The following TRDMT1 variants were observed in gnomAD, a reference collection of about 807,000 sequenced individuals.
TRDMT1 encodes the protein tRNA aspartic acid methyltransferase 1.
In TRDMT1, 49 loss-of-function variants were observed where a neutral mutation model predicts 51.2. That is an observed-to-expected ratio of 0.96 (90% CI 0.76 to 1.21). The LOEUF (loss-of-function observed/expected upper bound fraction) is 1.21. Ranked by LOEUF, TRDMT1 falls within the 50% of genes most tolerant of loss-of-function variation. The pLI, the probability that TRDMT1 is intolerant of heterozygous loss-of-function variation, is 0.00. For synonymous variants in TRDMT1, 187 were observed against 164.6 expected (o/e 1.14, Z -1.04); for missense variants, 534 against 462.3 (o/e 1.16, Z -1.42).
Position 17,157,473 on chromosome 10 carries a change from G to C in TRDMT1, c.855C>G (p.Pro285=). Residue 285 remains proline, a synonymous_variant, in exon 8 of 11, where the codon CCC becomes CCG. Transcript: ENST00000377799. ...RYALLLDIVQ[P]TCRRSVCFTK... ...TAAAGCACACGGACCTTCTACAAGT[G>C]GGCTGAACAATGTCTAACAGAAGAG... 6.2e-7 allele frequency: 1 copy of C among 1,612,460 alleles called. No individual in the cohort carries two copies. Among genetic ancestry groups the C allele is most frequent in the Non-Finnish European group, 8.5e-7 (1 of 1,178,584 alleles).
intron 2 of TRDMT1, among the ~76,000 whole-genome samples, chr10:17,173,134 T>C (rs1162807992): frequency 6.6e-6 from 1 of 152,120 alleles, no homozygotes; most frequent in African/African-American, 2.4e-5. Flanking sequence ...TAAAAACACT[T>C]CAAAAACTTT....
At chr10:17,181,068 A>G (rs2131555816) in intron 1 of TRDMT1, among the ~76,000 whole-genome samples, 2 of 151,500 alleles carry the variant, frequency 1.3e-5, no homozygotes, top group East Asian at 3.9e-4. Context: ...ATAACCAAAC[A>G]TCAAATTTAT....
Position 17,145,650 on chromosome 10 carries a change from C to G in TRDMT1, c.*3390G>C. ...CATAACATAAGCAATTCAGGAAAAC[C>G]CACTTTAATCTCTTTGTCTATGTGG... On this transcript the variant is annotated 3_prime_UTR_variant, in exon 11 of 11. Transcript: ENST00000377799. The G allele has an allele frequency of 4.1e-6, 4 of 985,398 alleles. No individual in the cohort carries two copies. The highest frequency in any genetic ancestry group is 4.8e-6 in the Non-Finnish European group (4 of 829,944). 61.0% of individuals were successfully genotyped at this position (985,398 alleles called of 1,614,324 possible). A position where few individuals can be genotyped will look rare whatever the true frequency, so the allele number is the denominator to read the frequency against.
chr10:17,187,743 G>A (rs1196603051), intron 1 of TRDMT1, among the ~76,000 whole-genome samples: 1 of 152,152 alleles, frequency 6.6e-6, no homozygotes, highest in Non-Finnish European at 1.5e-5. Context: ...TTTTGGTACT[G>A]AGAACAGTTC....
chr10:17,160,409 T>G, intron 5 of TRDMT1, 35 bp from the exon 6 acceptor site: 1 of 1,349,862 alleles, frequency 7.4e-7, no homozygotes, highest in Non-Finnish European at 1.0e-6. Flanking sequence ...AATTCTTACT[T>G]GGAAAGGCAG....
At chr10:17,149,274 A>G (rs544630639) in intron 10 of TRDMT1, 134 bp from the exon 11 acceptor site, 34 of 681,994 alleles carry the variant, frequency 5.0e-5, no homozygotes, top group Admixed American at 1.2e-4. Context: ...AGTTTTATTA[A>G]CAAAAGAGAA....
chr10:17,164,195 G>A (rs1446092407), intron 3 of TRDMT1, among the ~76,000 whole-genome samples: 2 of 152,278 alleles, frequency 1.3e-5, no homozygotes, highest in African/African-American at 4.8e-5. Flanking sequence ...TCATCCCTGG[G>A]ATGCAAGGCT....
In TRDMT1 at chr10:17,143,109, T is replaced by C. The variant is rs779192779; in HGVS notation, c.*5931A>G. On this transcript the variant is annotated 3_prime_UTR_variant, in exon 11 of 11. Transcript: ENST00000377799. ...GCTGTTCCTCTGGGCATGGAAGAAG[T>C]GGCAGTAACAGACAAATTAAATAGT... is the stretch of plus-strand genomic sequence containing the variant. 7.2e-5 allele frequency: 71 copies of C among 985,338 alleles called. No homozygotes were observed. Among genetic ancestry groups the C allele is most frequent in the Non-Finnish European group, 8.1e-5 (67 of 829,942 alleles). 61.0% of individuals were successfully genotyped at this position (985,338 alleles called of 1,614,324 possible). A position where few individuals can be genotyped will look rare whatever the true frequency, so the allele number is the denominator to read the frequency against.
chr10:17,161,158 A>G (rs1166335483), intron 5 of TRDMT1, among the ~76,000 whole-genome samples: 2 of 152,210 alleles, frequency 1.3e-5, no homozygotes, highest in East Asian at 1.9e-4. Flanking sequence ...AACAGGACCA[A>G]TTCTTACTGA....
chr10:17,185,126 G>T (rs753443373), intron 1 of TRDMT1, among the ~76,000 whole-genome samples: 14 of 152,170 alleles, frequency 9.2e-5, no homozygotes, highest in Non-Finnish European at 1.9e-4. Context: ...ATAGGACATG[G>T]ACATCTTTGG....
At chr10:17,196,157 T>C (rs894316301) in intron 1 of TRDMT1, among the ~76,000 whole-genome samples, 1 of 152,234 alleles carries the variant, frequency 6.6e-6, no homozygotes, top group African/African-American at 2.4e-5. Context: ...AAATGAATAA[T>C]TAATACGTGA....
chr10:17,148,471 T>G lies in TRDMT1; in HGVS notation c.*569A>C, dbSNP rs1838305075. 1 of 985,262 alleles carries G rather than the reference T, an allele frequency of 1.0e-6. No individual in the cohort carries two copies. The highest frequency in any genetic ancestry group is 1.7e-5 in the African/African-American group (1 of 57,228). 61.0% of individuals were successfully genotyped at this position (985,262 alleles called of 1,614,324 possible). Reference sequence around the variant, plus strand: ...TTTCTGTGGCCGCTTCATGGAGAGGTAATCAAACATTTAGGATTATTTTTC... The same window carrying G: ...TTTCTGTGGCCGCTTCATGGAGAGGGAATCAAACATTTAGGATTATTTTTC... On this transcript the variant is annotated 3_prime_UTR_variant, in exon 11 of 11. Coordinates refer to ENST00000377799, the MANE Select transcript of TRDMT1 (RefSeq NM_004412.7).
intron 1 of TRDMT1, among the ~76,000 whole-genome samples, chr10:17,197,129 T>C (rs1845557896): frequency 6.6e-6 from 1 of 152,184 alleles, no homozygotes; most frequent in African/African-American, 2.4e-5. Flanking sequence ...AATTTTTTTT[T>C]TCCTGATTAT....
chr10:17,163,301 AG>A (rs1389134673), intron 3 of TRDMT1, among the ~76,000 whole-genome samples: 1 of 152,160 alleles, frequency 6.6e-6, no homozygotes, highest in Non-Finnish European at 1.5e-5. Flanking sequence ...GCAGGAATAG[AG>A]GATCAAGCAG....
At chr10:17,186,785 C>T (rs1332380224) in intron 1 of TRDMT1, among the ~76,000 whole-genome samples, 1 of 151,828 alleles carries the variant, frequency 6.6e-6, no homozygotes, top group Non-Finnish European at 1.5e-5. Context: ...TCTGAATGTC[C>T]CAGAATAGAT....
intron 1 of TRDMT1, among the ~76,000 whole-genome samples, chr10:17,183,815 A>G (rs1843570563): frequency 6.6e-6 from 1 of 152,204 alleles, no homozygotes; most frequent in Admixed American, 6.5e-5. Context: ...TGACCCTGAG[A>G]AACAACAAAA....
rs1420499890 is a variant in TRDMT1, at chr10:17,141,025, A to G, written c.*8015T>C. On this transcript the variant is annotated 3_prime_UTR_variant, in exon 11 of 11. Transcript: ENST00000377799. ...ATAAAACAGAGATCTCTTGAAGGAT[A>G]GTTTGGCTAGATATAGAATTCATAG... Among the ~76,000 whole-genome samples, 4 of 152,228 alleles carry G rather than the reference A, an allele frequency of 2.6e-5. No homozygotes were observed. The highest frequency in any genetic ancestry group is 9.6e-5 in the African/African-American group (4 of 41,462).
intron 5 of TRDMT1, 112 bp downstream of exon 5, chr10:17,161,371 A>G: frequency 2.8e-6 from 2 of 719,548 alleles, no homozygotes; most frequent in South Asian, 8.5e-5. Context: ...GACATTTAAT[A>G]TATAAAATGT....
rs1035246117 is a variant in TRDMT1 at position 17,139,906 on chromosome 10, T to C, written c.*9134A>G. Reference sequence around the variant, plus strand: ...TTCTTTATAGTGACTTGGACCATATTTGTTACGGAAGTACTGCTAAATCAA... The same window carrying C: ...TTCTTTATAGTGACTTGGACCATATCTGTTACGGAAGTACTGCTAAATCAA... On this transcript the variant is annotated 3_prime_UTR_variant, in exon 11 of 11. Coordinates refer to ENST00000377799, the MANE Select transcript of TRDMT1 (RefSeq NM_004412.7). 2.6e-5 allele frequency among the ~76,000 whole-genome samples: 4 copies of C among 152,030 alleles called. No homozygotes were observed. Among genetic ancestry groups the C allele is most frequent in the African/African-American group, 9.7e-5 (4 of 41,368 alleles).
Sources: gnomAD v4.1 joint callset for allele counts (sites outside exome capture counted in the v4.1 genomes callset) on GRCh38, gnomAD v4.1.1 for gene constraint, MANE v1.5 for transcripts, NCBI Gene and HGNC (gene_info 2026-07-23, HGNC 2026-07-21) for gene names.